The following OGDHL variants were observed in gnomAD, a reference collection of about 807,000 sequenced individuals.
The protein encoded by OGDHL is 2-oxoglutarate dehydrogenase-like, mitochondrial.
A neutral mutation model predicts 109.6 loss-of-function variants in OGDHL; 79 were observed. The ratio of observed to expected loss-of-function variants is 0.72; its 90% confidence interval spans 0.60 to 0.87. The LOEUF (loss-of-function observed/expected upper bound fraction) is 0.87. OGDHL is among the 40% of genes least tolerant of loss of function. The pLI is 0.00. For missense variants in OGDHL, 1,275 were observed against 1,362.2 expected, an observed-to-expected ratio of 0.94 and a Z score of 1.01; for synonymous variants, 528 against 537.2, an observed-to-expected ratio of 0.98 and a Z score of 0.24.
intron 14 of OGDHL, 61 bp from the exon 15 acceptor site, chr10:49,743,039 A>C (rs1841907563): frequency 6.3e-7 from 1 of 1,580,822 alleles, no homozygotes; most frequent in Admixed American, 1.7e-5. Flanking sequence ...GCGGGTAGGT[A>C]GGTGCTCAGC....
At position 49,737,944 on chromosome 10, in the gene OGDHL, C is replaced by T. The variant is rs1841327945; in HGVS notation, c.2517+3G>A. The T allele has an allele frequency of 3.1e-6, 5 of 1,614,128 alleles. No homozygotes were observed. Among genetic ancestry groups the T allele is most frequent in the Non-Finnish European group, 4.2e-6 (5 of 1,180,022 alleles). On this transcript the variant is annotated splice_donor_region_variant and intron_variant, in intron 19 of 22. Transcript: ENST00000374103. Reference sequence around the variant, plus strand: ...TGACCCCTGCCCTGGGACGGAGACTCACCGGCTTGCGGAAGGGCAGCAGGA... The same window carrying T: ...TGACCCCTGCCCTGGGACGGAGACTTACCGGCTTGCGGAAGGGCAGCAGGA...
intron 8 of OGDHL, 146 bp from the exon 9 acceptor site, chr10:49,747,354 C>T (rs536599564): frequency 6.1e-6 from 5 of 813,220 alleles, no homozygotes; most frequent in Non-Finnish European, 9.8e-6. Context: ...TGACCCCTCT[C>T]TCCTCATCAC....
In OGDHL at chr10:49,741,463, A is replaced by G. The variant is rs113662244; in HGVS notation, c.2013-626T>C. ...AGAAAGCCAGCTGGTCAAGTCCTGG[A>G]AGCCACACCACCCTGGCTTGCTAAC... is the stretch of plus-strand genomic sequence containing the variant. On this transcript the variant is annotated intron_variant, in intron 15 of 22. Coordinates refer to ENST00000374103, the MANE Select transcript of OGDHL (RefSeq NM_018245.3). Among the ~76,000 whole-genome samples the G allele has an allele frequency of 5.2e-3, 799 of 152,212 alleles. 6 individuals carry two copies. The highest frequency in any genetic ancestry group is 0.019 in the African/African-American group (772 of 41,494).
intron 8 of OGDHL, among the ~76,000 whole-genome samples, chr10:49,748,202 T>C (rs1409887335): frequency 6.6e-6 from 1 of 152,144 alleles, no homozygotes; most frequent in African/African-American, 2.4e-5. Context: ...AACAACCCAA[T>C]GTCCAGCACA....
chr10:49,752,822 CCT>C, intron 3 of OGDHL, 82 bp from the exon 4 acceptor site: 1 of 957,258 alleles, frequency 1.0e-6, no homozygotes, highest in Non-Finnish European at 1.6e-6. Context: ...GGCCCCAGCC[CCT>C]CTCTTCCCAT....
At chr10:49,757,680 A>G (rs2133101587) in intron 2 of OGDHL, among the ~76,000 whole-genome samples, 1 of 152,364 alleles carries the variant, frequency 6.6e-6, no homozygotes, top group Non-Finnish European at 1.5e-5. Context: ...GACAGAGTGA[A>G]TAGTGAGGCT....
chr10:49,736,254 G>C, intron 21 of OGDHL, 77 bp from the exon 22 acceptor site: 3 of 1,575,560 alleles, frequency 1.9e-6, no homozygotes, highest in Non-Finnish European at 2.6e-6. Context: ...GGAGGCACAG[G>C]GCCTCACCGG....
intron 3 of OGDHL, among the ~76,000 whole-genome samples, chr10:49,752,949 C>T (rs566868007): frequency 6.6e-6 from 1 of 152,262 alleles, no homozygotes; most frequent in African/African-American, 2.4e-5. Flanking sequence ...GGAAGTACAA[C>T]ATGCACGGGC....
chr10:49,745,921 C>T lies in OGDHL; in HGVS notation c.1353G>A (p.Val451=). The part of the protein sequence containing the change: ...MARSSPYPTD[V]ARVVNAPIFH... ...AGATAGGCGCATTGACCACCCGGGC[C>T]ACGTCGGTCGGGTATGGTGAGGAGC... is the stretch of plus-strand genomic sequence containing the variant. Residue 451 remains valine, a synonymous_variant, in exon 11 of 23, where the codon GTG becomes GTA. Transcript: ENST00000374103. 1.9e-6 allele frequency: 3 copies of T among 1,614,234 alleles called. No homozygotes were observed. Among genetic ancestry groups the T allele is most frequent in the Non-Finnish European group, 2.5e-6 (3 of 1,180,042 alleles).
intron 8 of OGDHL, among the ~76,000 whole-genome samples, chr10:49,748,306 C>T (rs1039421284): frequency 1.3e-5 from 2 of 152,188 alleles, no homozygotes; most frequent in African/African-American, 2.4e-5. Context: ...AGGTGCCACC[C>T]GGTGTCACGG....
intron 20 of OGDHL, among the ~76,000 whole-genome samples, chr10:49,737,507 A>G (rs186926623): frequency 6.6e-6 from 1 of 152,300 alleles, no homozygotes; most frequent in African/African-American, 2.4e-5. Flanking sequence ...ATATCTTGCG[A>G]ACTCAGCAGG....
chr10:49,744,179 G>A (rs1222725019), intron 13 of OGDHL, 57 bp from the exon 14 acceptor site: 13 of 1,590,988 alleles, frequency 8.2e-6, no homozygotes, highest in Middle Eastern at 1.7e-4. Context: ...TGATCCCCCT[G>A]GCCAGCCTGC....
In OGDHL at chr10:49,744,138, G is replaced by C. The variant is rs746189113; in HGVS notation, c.1733-16C>G. On this transcript the variant is annotated splice_polypyrimidine_tract_variant and intron_variant, in intron 13 of 22. Transcript: ENST00000374103. The stretch of plus-strand genomic sequence containing the variant: ...TTGAAGAAGCCTGAGAGGGAGAGAG[G>C]CTCTGTCCACACTGTGTCAGTGGTG... The C allele has an allele frequency of 6.2e-7, 1 of 1,612,604 alleles. No individual in the cohort carries two copies. The highest frequency in any genetic ancestry group is 1.1e-5 in the South Asian group (1 of 91,002).
intron 22 of OGDHL, 107 bp from the exon 23 acceptor site, chr10:49,735,458 C>T (rs1279520471): frequency 1.6e-5 from 22 of 1,366,698 alleles, no homozygotes; most frequent in Admixed American, 8.7e-5. Context: ...CCGCTGACCT[C>T]GAAGCCATAG....
chr10:49,760,837 C>T (rs1843227644), intron 1 of OGDHL, among the ~76,000 whole-genome samples: 1 of 152,252 alleles, frequency 6.6e-6, no homozygotes, highest in South Asian at 2.1e-4. Context: ...CTTAGCGATG[C>T]AGTTCCCATC....
intron 17 of OGDHL, chr10:49,738,525 CT>C (rs1841393764): frequency 5.8e-6 from 3 of 521,444 alleles, no homozygotes; most frequent in Middle Eastern, 5.3e-4. Flanking sequence ...CTGAGACGTG[CT>C]TTCTCTGGAA....
rs1436437324 is a variant in OGDHL at position 49,746,733 on chromosome 10, G to A, written c.1296+17C>T. 1 of 1,613,492 alleles carries A rather than the reference G, an allele frequency of 6.2e-7. No individual in the cohort carries two copies. Among genetic ancestry groups the A allele is most frequent in the Admixed American group, 1.7e-5 (1 of 59,990 alleles). On this transcript the variant is annotated intron_variant, in intron 10 of 22. Transcript: ENST00000374103. Reference sequence around the variant, plus strand: ...ATGCTGACGCTGTGAGGCCCAGCGTGGAGCCTACATGCTCACCTGGTTGTT... The same window carrying A: ...ATGCTGACGCTGTGAGGCCCAGCGTAGAGCCTACATGCTCACCTGGTTGTT...
chr10:49,753,888 TAAAAAAA>T (rs63200161), intron 3 of OGDHL, among the ~76,000 whole-genome samples: 1 of 87,262 alleles, frequency 1.1e-5, no homozygotes, highest in Non-Finnish European at 2.3e-5. Flanking sequence ...AAACTCCATC[TAAAAAAA>T]AAAAAAAAAA....
chr10:49,756,527 T>G (rs1258396914), intron 3 of OGDHL: 6 of 363,968 alleles, frequency 1.6e-5, no homozygotes, highest in Non-Finnish European at 3.0e-5. Context: ...ACTCGGGGCA[T>G]GGTGTGTGCA....
Sources: allele counts gnomAD v4.1 joint callset (sites outside exome capture counted in the v4.1 genomes callset), GRCh38; gene constraint gnomAD v4.1.1; transcripts MANE v1.5; gene names NCBI Gene and HGNC (gene_info 2026-07-23, HGNC 2026-07-21).